Variants in IST1 observed in about 807,000 individuals in gnomAD.
The protein encoded by IST1 is IST1 factor associated with ESCRT-III.
In IST1, 23 loss-of-function variants were observed where a neutral mutation model predicts 37.0. The ratio of observed to expected loss-of-function variants is 0.62; its 90% confidence interval spans 0.45 to 0.88. IST1 has a LOEUF of 0.88. Among genes scored for constraint, IST1 ranks in the 40% least tolerant of loss-of-function variants. The pLI, the probability that IST1 is intolerant of heterozygous loss-of-function variation, is 0.00. For missense variants in IST1, 488 were observed against 445.4 expected, an observed-to-expected ratio of 1.10 and a Z score of -0.86; for synonymous variants, 180 against 161.7, an observed-to-expected ratio of 1.11 and a Z score of -0.86.
In IST1 at chr16:71,928,265, A is replaced by T. The variant is rs1324997603; in HGVS notation, c.*452A>T. 1 of 171,370 alleles carries T rather than the reference A, an allele frequency of 5.8e-6. No homozygotes were observed. Among genetic ancestry groups the T allele is most frequent in the East Asian group, 1.7e-4 (1 of 5,948 alleles). 10.6% of individuals were successfully genotyped at this position (171,370 alleles called of 1,614,324 possible). On this transcript the variant is annotated 3_prime_UTR_variant, in exon 10 of 10. Coordinates refer to ENST00000378799, the MANE Select transcript of IST1 (RefSeq NM_001270975.2). ...GGGGGATTGTGGTGAGTGAGAATCA[A>T]GGCCACCTTGTGTGTTTTCTCACTC...
intron 1 of IST1, chr16:71,903,791 G>A (rs987354516): frequency 6.6e-6 from 1 of 152,380 alleles, no homozygotes; most frequent in Non-Finnish European, 1.5e-5. Flanking sequence ...GTAATGTTCT[G>A]TAAGTGTCAG....
chr16:71,916,107 C>T (rs1445916753), intron 2 of IST1, among the ~76,000 whole-genome samples: 1 of 152,214 alleles, frequency 6.6e-6, no homozygotes, highest in African/African-American at 2.4e-5. Context: ...GCTGGGATTA[C>T]AGGCGTGAGC....
Position 71,929,914 on chromosome 16 carries a change from T to A in IST1, c.*2101T>A. 8.6e-7 allele frequency: 1 copy of A among 1,161,166 alleles called. No homozygotes were observed. The highest frequency in any genetic ancestry group is 1.2e-6 in the Non-Finnish European group (1 of 844,136). 71.9% of individuals were successfully genotyped at this position (1,161,166 alleles called of 1,614,324 possible). On this transcript the variant is annotated 3_prime_UTR_variant, in exon 10 of 10. Transcript: ENST00000378799. Reference sequence around the variant, plus strand: ...AAATTGGGTTTCCTAGGAAGATAGCTGGCAGAGCTTTTGAAACTAATAAAG... The same window carrying A: ...AAATTGGGTTTCCTAGGAAGATAGCAGGCAGAGCTTTTGAAACTAATAAAG...
chr16:71,925,473 G>A (rs1322819621), intron 9 of IST1, among the ~76,000 whole-genome samples: 12 of 151,434 alleles, frequency 7.9e-5, no homozygotes, highest in African/African-American at 7.3e-5. Context: ...ACGCCACCAC[G>A]CCCAGCTAAT....
chr16:71,928,646 G>C lies in IST1; in HGVS notation c.*833G>C, dbSNP rs1039579200. The C allele has an allele frequency of 6.5e-6, 1 of 152,676 alleles. No individual in the cohort carries two copies. The highest frequency in any genetic ancestry group is 6.5e-5 in the Admixed American group (1 of 15,286). The allele number at this position is 152,676 out of a possible 1,614,324, so 9.5% of individuals were successfully genotyped here. On this transcript the variant is annotated 3_prime_UTR_variant, in exon 10 of 10. Transcript: ENST00000378799. ...CAGCTGCCTTAATAGAAGTACTCAA[G>C]TCTTTTGGGTAGTGAGCTGGAAAGC...
chr16:71,915,416 A>G (rs1035531654), intron 1 of IST1, among the ~76,000 whole-genome samples: 1 of 152,078 alleles, frequency 6.6e-6, no homozygotes, highest in African/African-American at 2.4e-5. Flanking sequence ...TAGCCTTCCC[A>G]TTGGTCTTCC....
intron 1 of IST1, among the ~76,000 whole-genome samples, chr16:71,904,236 G>T (rs377327793): frequency 1.3e-5 from 2 of 152,224 alleles, no homozygotes; most frequent in African/African-American, 4.8e-5. Context: ...CAATTTTCCT[G>T]CCTCAGCCTC....
At chr16:71,909,579 T>G (rs1037288204) in intron 1 of IST1, among the ~76,000 whole-genome samples, 1 of 152,210 alleles carries the variant, frequency 6.6e-6, no homozygotes, top group Non-Finnish European at 1.5e-5. Context: ...TACTTTTCAT[T>G]AAATACTGCC....
Position 71,931,076 on chromosome 16 carries a change from ATT to A in IST1, c.*3268_*3269del, listed in dbSNP as rs1187496300. 2.6e-5 allele frequency: 3 copies of A among 113,484 alleles called. No individual in the cohort carries two copies. Among genetic ancestry groups the A allele is most frequent in the Admixed American group, 8.9e-5 (1 of 11,286 alleles). 7.0% of individuals were successfully genotyped at this position (113,484 alleles called of 1,614,324 possible). A position where few individuals can be genotyped will look rare whatever the true frequency, so the allele number is the denominator to read the frequency against. ...ATTTTTATGTACAATTTTACTGTTT[ATT>A]TTTTGTTTGCTCTATTTGTTTTTTA... On this transcript the variant is annotated 3_prime_UTR_variant, in exon 10 of 10. Coordinates refer to ENST00000378799, the MANE Select transcript of IST1 (RefSeq NM_001270975.2).
intron 2 of IST1, 65 bp downstream of exon 2, chr16:71,915,793 T>C: frequency 1.0e-6 from 1 of 971,878 alleles, no homozygotes; most frequent in Non-Finnish European, 1.6e-6. Flanking sequence ...GTAATGGGTC[T>C]TTCAGGCCAG....
At chr16:71,900,675 A>G (rs373183005) in intron 1 of IST1, among the ~76,000 whole-genome samples, 7 of 133,930 alleles carry the variant, frequency 5.2e-5, no homozygotes, top group African/African-American at 1.7e-4. Flanking sequence ...ATAAGTATAT[A>G]TGTATATAAA....
At position 71,923,284 on chromosome 16, in the gene IST1, ACAGT is replaced by A; in HGVS notation, c.760_763del (p.Ser254IlefsTer31). The A allele has an allele frequency of 3.1e-6, 5 of 1,595,410 alleles. No homozygotes were observed. The highest frequency in any genetic ancestry group is 1.1e-5 in the South Asian group (1 of 90,234). On this transcript the variant is annotated splice_acceptor_variant and splice_polypyrimidine_tract_variant and coding_sequence_variant and intron_variant, in exon 8 of 10. Coordinates refer to ENST00000378799, the MANE Select transcript of IST1 (RefSeq NM_001270975.2). LOFTEE classifies it high-confidence loss of function. Reference sequence around the variant, plus strand: ...TCTCTGATGTTGCCTTTCTCCTCTTACAGTCAGATTTCAATGGACTGCCAATGGG... The same window carrying A: ...TCTCTGATGTTGCCTTTCTCCTCTTACAGATTTCAATGGACTGCCAATGGG...
intron 1 of IST1, 86 bp downstream of exon 1, chr16:71,895,675 G>C (rs562874423): frequency 2.1e-5 from 10 of 484,436 alleles, no homozygotes; most frequent in African/African-American, 1.9e-4. Flanking sequence ...TTAGCGCTAG[G>C]GCCCGGGATT....
At chr16:71,902,468 C>T (rs866755250) in intron 1 of IST1, among the ~76,000 whole-genome samples, 27 of 152,290 alleles carry the variant, frequency 1.8e-4, no homozygotes, top group African/African-American at 6.0e-4. Context: ...TGGGGTTTCA[C>T]CATGTTGGCC....
At chr16:71,905,400 G>A (rs1157062338) in intron 1 of IST1, among the ~76,000 whole-genome samples, 7 of 43,702 alleles carry the variant, frequency 1.6e-4, no homozygotes, top group African/African-American at 2.4e-4. Context: ...TTTTTTTTGA[G>A]ACAGTTTCAC....
chr16:71,924,235 T>A, intron 8 of IST1: 1 of 452,088 alleles, frequency 2.2e-6, no homozygotes, highest in South Asian at 1.6e-5. Context: ...CAAGAATGCT[T>A]TCCCTTTGCC....
Position 71,929,515 on chromosome 16 carries a change from A to C in IST1, c.*1702A>C. 1 of 1,538,256 alleles carries C rather than the reference A, an allele frequency of 6.5e-7. No homozygotes were observed. The highest frequency in any genetic ancestry group is 8.8e-7 in the Non-Finnish European group (1 of 1,142,514). ...AAGTAGTAATACGCTAATAAATACT[A>C]AGCCAAGTAGGAGATAACAGGATTA... is the stretch of plus-strand genomic sequence containing the variant. On this transcript the variant is annotated 3_prime_UTR_variant, in exon 10 of 10. Coordinates refer to ENST00000378799, the MANE Select transcript of IST1 (RefSeq NM_001270975.2).
At chr16:71,908,027 G>A (rs1484655205) in intron 1 of IST1, among the ~76,000 whole-genome samples, 3 of 151,912 alleles carry the variant, frequency 2.0e-5, no homozygotes, top group Admixed American at 6.6e-5. Flanking sequence ...CCACTTCACC[G>A]TCCGCCTCCC....
At chr16:71,922,111 G>T (rs867475238) in intron 6 of IST1, among the ~76,000 whole-genome samples, 34 of 152,210 alleles carry the variant, frequency 2.2e-4, no homozygotes, top group Admixed American at 3.9e-4. Flanking sequence ...CTGCACTCCA[G>T]TCTGGGTGAC....
Sources: gnomAD v4.1 joint callset for allele counts (sites outside exome capture counted in the v4.1 genomes callset) on GRCh38, gnomAD v4.1.1 for gene constraint, MANE v1.5 for transcripts, NCBI Gene and HGNC (gene_info 2026-07-23, HGNC 2026-07-21) for gene names.